The following KCTD19 variants were observed in gnomAD, a reference collection of about 807,000 sequenced individuals.
KCTD19 encodes the protein potassium channel tetramerization domain containing 19, also known as BTB/POZ domain-containing protein KCTD19.
A neutral mutation model predicts 103.5 loss-of-function variants in KCTD19; 67 were observed. The ratio of observed to expected loss-of-function variants is 0.65; its 90% CI spans 0.53 to 0.79. The LOEUF (loss-of-function observed/expected upper bound fraction) is 0.79, where lower values mean the gene tolerates loss of function less well. Among genes scored for constraint, KCTD19 ranks in the 30% least tolerant of loss-of-function variants. The pLI is 0.00. For synonymous variants in KCTD19, 439 were observed against 452.2 expected (o/e 0.97, Z 0.37); for missense variants, 980 against 1,136.1 (o/e 0.86, Z 1.98).
Position 67,322,218 on chromosome 16 carries a change from A to C in KCTD19, c.4-1333T>G, listed in dbSNP as rs898262941. ...CATATGCATAAAAGATAATAATAACAATAATAATAAAGTTGGACCCCTACC... is the reference window on the plus strand; with the variant it reads ...CATATGCATAAAAGATAATAATAACCATAATAATAAAGTTGGACCCCTACC... On this transcript the variant is annotated intron_variant, in intron 1 of 15. Transcript: ENST00000304372. Among the ~76,000 whole-genome samples, 4 of 152,276 alleles carry C rather than the reference A, an allele frequency of 2.6e-5. No homozygotes were observed. In the East Asian group the frequency reaches 7.7e-4, roughly 29 times the overall value.
At chr16:67,318,754 G>A (rs1459913387) in intron 2 of KCTD19, among the ~76,000 whole-genome samples, 2 of 151,954 alleles carry the variant, frequency 1.3e-5, no homozygotes, top group Non-Finnish European at 2.9e-5. Flanking sequence ...ACCTCAAAAT[G>A]ATGCCTTGGC....
chr16:67,294,805 AG>A, intron 10 of KCTD19, 111 bp from the exon 11 acceptor site: 1 of 959,754 alleles, frequency 1.0e-6, no homozygotes, highest in Non-Finnish European at 1.7e-6. Context: ...GCAGGGAAGA[AG>A]GGGCTCTTAA....
chr16:67,315,212 A>G (rs915899840), intron 2 of KCTD19, among the ~76,000 whole-genome samples: 1 of 151,572 alleles, frequency 6.6e-6, no homozygotes, highest in African/African-American at 2.4e-5. Flanking sequence ...CTCATTGTCA[A>G]CCTTTGACAT....
chr16:67,303,153 GC>G lies in KCTD19; in HGVS notation c.635del (p.Arg212ProfsTer4). On this transcript the variant is annotated frameshift_variant, in exon 4 of 16. Transcript: ENST00000304372. LOFTEE classifies it high-confidence loss of function. This position sits in a 1 kb window ranked among gnomAD's most constrained non-coding sequence, Gnocchi z 4.3. ...CCCGGACAGAGCAATCACCAATGAA[GC>G]GGAACTCGCTGCACTCGCACTCGAT... Reference protein sequence around the residue: ...ALIECECSEFRFIVNFLRSQK... With the variant: ...ALIECECSEFXFIVNFLRSQK... The G allele has an allele frequency of 6.2e-7, 1 of 1,605,622 alleles. No individual in the cohort carries two copies. Among genetic ancestry groups the G allele is most frequent in the South Asian group, 1.1e-5 (1 of 90,630 alleles).
intron 2 of KCTD19, among the ~76,000 whole-genome samples, chr16:67,312,064 G>T (rs2036955252): frequency 1.3e-5 from 2 of 152,212 alleles, no homozygotes; most frequent in Non-Finnish European, 2.9e-5. Context: ...AAGGAATGAA[G>T]GCGTGTTTGG....
chr16:67,325,997 G>A (rs901291128), intron 1 of KCTD19: 1 of 150,196 alleles, frequency 6.7e-6, no homozygotes, highest in Non-Finnish European at 1.5e-5. Context: ...TGCAATCTCG[G>A]TTCACTGCAA....
intron 6 of KCTD19, among the ~76,000 whole-genome samples, chr16:67,298,733 C>G (rs2036797728): frequency 6.6e-6 from 1 of 152,208 alleles, no homozygotes; most frequent in South Asian, 2.1e-4. Flanking sequence ...CCAGAAAACC[C>G]ACTTCTACCT....
At position 67,319,600 on chromosome 16, in the gene KCTD19, T is replaced by C. The variant is rs987165596; in HGVS notation, c.300+989A>G. Among the ~76,000 whole-genome samples the C allele has an allele frequency of 9.0e-4, 137 of 152,242 alleles. 1 individual carries two copies. Among genetic ancestry groups the C allele is most frequent in the African/African-American group, 3.1e-3 (130 of 41,542 alleles). ...TACTTAAGATCAGCCACAAAAATGA[T>C]TTCTGTGGCTTGGAGAAAAATTAGG... On this transcript the variant is annotated intron_variant, in intron 2 of 15. Transcript: ENST00000304372.
intron 1 of KCTD19, 118 bp from the exon 2 acceptor site, chr16:67,321,003 A>G: frequency 5.5e-6 from 5 of 916,280 alleles, no homozygotes; most frequent in Non-Finnish European, 4.8e-6. Context: ...TATATAAAAA[A>G]TCCTAAGGAA....
chr16:67,314,859 AGAGAGAGAGAGAGAGG>A (rs1254075876), intron 2 of KCTD19, among the ~76,000 whole-genome samples: 46 of 143,980 alleles, frequency 3.2e-4, no homozygotes, highest in Non-Finnish European at 4.2e-4. Flanking sequence ...AGAGAGAGAG[AGAGAGAGAGAGAGAGG>A]GGAAGGGTCT....
chr16:67,301,668 G>T, intron 5 of KCTD19, 123 bp downstream of exon 5: 1 of 903,176 alleles, frequency 1.1e-6, no homozygotes, highest in Non-Finnish European at 1.7e-6. Flanking sequence ...GAGTCAGCCA[G>T]AAAACCCAAT....
chr16:67,295,388 G>A lies in KCTD19; in HGVS notation c.1266C>T (p.Ser422=). Residue 422 remains serine (S), a synonymous_variant, in exon 9 of 16, where the codon TCC becomes TCT. Coordinates refer to ENST00000304372, the MANE Select transcript of KCTD19 (RefSeq NM_001100915.3). ...QTLLKYPELL[S]NPQRVYWITY... Reference sequence around the variant, plus strand: ...TGATCCAGTACACTCTCTGAGGGTTGGACAGCAGTTCTGGATACTGGAGGG... The same window carrying A: ...TGATCCAGTACACTCTCTGAGGGTTAGACAGCAGTTCTGGATACTGGAGGG... The A allele has an allele frequency of 6.2e-7, 1 of 1,612,974 alleles. No individual in the cohort carries two copies. The highest frequency in any genetic ancestry group is 8.5e-7 in the Non-Finnish European group (1 of 1,179,138).
chr16:67,296,941 C>T (rs2036771596), intron 7 of KCTD19, among the ~76,000 whole-genome samples: 1 of 152,236 alleles, frequency 6.6e-6, no homozygotes, highest in Non-Finnish European at 1.5e-5. Context: ...CCGCCAGTGT[C>T]TACTGCTGTC....
intron 9 of KCTD19, 43 bp downstream of exon 9, chr16:67,295,220 C>T (rs754582918): frequency 6.2e-7 from 1 of 1,606,914 alleles, no homozygotes; most frequent in Non-Finnish European, 8.5e-7. Flanking sequence ...AGGGAGGGGT[C>T]AGCCTTCGTG....
chr16:67,298,689 G>A (rs1490881716), intron 6 of KCTD19, among the ~76,000 whole-genome samples: 7 of 152,228 alleles, frequency 4.6e-5, no homozygotes, highest in Non-Finnish European at 1.0e-4. Flanking sequence ...GGAAAAGACA[G>A]CATTCAGGGT....
At position 67,294,699 on chromosome 16, in the gene KCTD19, A is replaced by G; in HGVS notation, c.1476-5T>C. 1 of 1,599,730 alleles carries G rather than the reference A, an allele frequency of 6.3e-7. No individual in the cohort carries two copies. Among genetic ancestry groups the G allele is most frequent in the Non-Finnish European group, 8.6e-7 (1 of 1,166,800 alleles). ...TCTTTCTCCTGAGTCCATGACCTGC[A>G]GAAACCAAGAGGGGTTGGTTAGTGA... On this transcript the variant is annotated splice_polypyrimidine_tract_variant and splice_region_variant and intron_variant, in intron 10 of 15. Coordinates refer to ENST00000304372, the MANE Select transcript of KCTD19 (RefSeq NM_001100915.3).
At chr16:67,308,365 A>G (rs1042297214) in intron 2 of KCTD19, among the ~76,000 whole-genome samples, 1 of 151,774 alleles carries the variant, frequency 6.6e-6, no homozygotes, top group African/African-American at 2.4e-5. Flanking sequence ...AGGTCTTGCT[A>G]TGTGGCCCAG....
intron 2 of KCTD19, among the ~76,000 whole-genome samples, chr16:67,306,309 A>G (rs995913809): frequency 6.6e-6 from 1 of 152,210 alleles, no homozygotes; most frequent in Admixed American, 6.5e-5. Flanking sequence ...TCTGTCACCC[A>G]GGCTGGAGTG....
At chr16:67,295,209 A>G in intron 9 of KCTD19, 54 bp downstream of exon 9, 1 of 1,602,232 alleles carries the variant, frequency 6.2e-7, no homozygotes, top group Non-Finnish European at 8.5e-7. Flanking sequence ...CTTTGTTGCT[A>G]AGGGAGGGGT....
Sources: gnomAD v4.1 joint callset for allele counts (sites outside exome capture counted in the v4.1 genomes callset) on GRCh38, gnomAD v4.1.1 for gene constraint, Gnocchi (gnomAD v3.1) non-coding constraint, MANE v1.5 for transcripts, NCBI Gene and HGNC (gene_info 2026-07-23, HGNC 2026-07-21) for gene names.